The following LRMDA variants were observed in gnomAD, a reference collection of about 807,000 sequenced individuals.
LRMDA encodes leucine rich melanocyte differentiation associated.
In LRMDA, 18 loss-of-function variants were observed where a neutral mutation model predicts 29.8. The ratio of observed to expected loss-of-function variants is 0.60; its 90% CI spans 0.42 to 0.90. The LOEUF is 0.90. LRMDA is among the 40% of genes least tolerant of loss of function. The probability of loss-of-function intolerance (pLI) is 0.00; values close to 1 mark genes in which losing one functional copy is unlikely to be tolerated. For synonymous variants in LRMDA, 125 were observed against 109.4 expected, an observed-to-expected ratio of 1.14 and a Z score of -0.89; for missense variants, 273 against 273.9, an observed-to-expected ratio of 1.00 and a Z score of 0.02.
chr10:75,708,208 A>T (rs1002798972), intron 2 of LRMDA, among the ~76,000 whole-genome samples: 1 of 152,208 alleles, frequency 6.6e-6, no homozygotes, highest in Non-Finnish European at 1.5e-5. Context: ...GTCTGCTGCC[A>T]CTAGCAGGGC....
At chr10:76,296,810 G>A (rs867865635) in intron 5 of LRMDA, among the ~76,000 whole-genome samples, 1 of 152,184 alleles carries the variant, frequency 6.6e-6, no homozygotes, top group Non-Finnish European at 1.5e-5. Flanking sequence ...AGTTTTTCTT[G>A]TTTGTTAATT....
At chr10:76,249,271 G>C (rs756301712) in intron 5 of LRMDA, among the ~76,000 whole-genome samples, 3 of 152,120 alleles carry the variant, frequency 2.0e-5, no homozygotes, top group Non-Finnish European at 4.4e-5. Context: ...ACTCCTAGCG[G>C]GTGGCTAGAT....
chr10:75,663,957 C>T lies in LRMDA; in HGVS notation c.131+225463C>T, dbSNP rs960664462. ...AATATACTCAGGGGCCCATGTGTGT[C>T]TTTAAGAGGAGAGTAGGGTATACAG... On this transcript the variant is annotated intron_variant, in intron 2 of 6. Coordinates refer to ENST00000611255, the MANE Select transcript of LRMDA (RefSeq NM_001305581.2). Among the ~76,000 whole-genome samples, 52 of 152,164 alleles carry T rather than the reference C, an allele frequency of 3.4e-4. 1 individual carries two copies. Among genetic ancestry groups the T allele is most frequent in the African/African-American group, 1.2e-3 (48 of 41,448 alleles).
intron 4 of LRMDA, among the ~76,000 whole-genome samples, chr10:76,051,316 A>G (rs1460574586): frequency 6.6e-6 from 1 of 152,158 alleles, no homozygotes; most frequent in Non-Finnish European, 1.5e-5. Context: ...ATTGCCGGTT[A>G]CTCTCTGTAG....
chr10:75,489,016 C>A (rs189664540), intron 2 of LRMDA, among the ~76,000 whole-genome samples: 2 of 152,202 alleles, frequency 1.3e-5, no homozygotes, highest in Non-Finnish European at 2.9e-5. Context: ...CCCTCTATGA[C>A]CTTGTGCACC....
intron 2 of LRMDA, among the ~76,000 whole-genome samples, chr10:75,760,697 A>AG (rs1843084798): frequency 1.3e-5 from 2 of 152,198 alleles, no homozygotes; most frequent in Admixed American, 1.3e-4. Context: ...CAGGGTGGAT[A>AG]GGGAAGGATG....
chr10:75,833,404 C>T (rs188768619), intron 2 of LRMDA, among the ~76,000 whole-genome samples: 1 of 152,130 alleles, frequency 6.6e-6, no homozygotes, highest in Non-Finnish European at 1.5e-5. Context: ...TGTGATCTCT[C>T]CATAAGTAAG....
chr10:75,886,141 G>A (rs1160147761), intron 2 of LRMDA, among the ~76,000 whole-genome samples: 1 of 152,186 alleles, frequency 6.6e-6, no homozygotes, highest in African/African-American at 2.4e-5. Context: ...ACAACCAGCA[G>A]CCCCATCTTC....
intron 2 of LRMDA, among the ~76,000 whole-genome samples, chr10:75,914,187 C>G (rs1845892508): frequency 6.6e-6 from 1 of 152,204 alleles, no homozygotes; most frequent in Admixed American, 6.5e-5. Flanking sequence ...GCAACGCATA[C>G]TTGTAAAAGG....
intron 2 of LRMDA, among the ~76,000 whole-genome samples, chr10:75,495,318 G>T (rs1396145394): frequency 6.6e-6 from 1 of 151,310 alleles, no homozygotes; most frequent in Non-Finnish European, 1.5e-5. Context: ...ATATTTCTCA[G>T]ACAGGCCTTT....
intron 2 of LRMDA, among the ~76,000 whole-genome samples, chr10:75,875,553 C>A (rs1209508357): frequency 6.6e-6 from 1 of 152,154 alleles, no homozygotes; most frequent in East Asian, 1.9e-4. Flanking sequence ...CCTGCCTCAG[C>A]CTCCAAGTAG....
At chr10:76,380,134 CT>C (rs1156412804) in intron 6 of LRMDA, among the ~76,000 whole-genome samples, 2 of 152,002 alleles carry the variant, frequency 1.3e-5, no homozygotes, top group African/African-American at 4.8e-5. Context: ...CCTAAAATGT[CT>C]ATTTTGGAGA....
At chr10:75,890,272 G>A (rs1845462066) in intron 2 of LRMDA, among the ~76,000 whole-genome samples, 1 of 152,200 alleles carries the variant, frequency 6.6e-6, no homozygotes, top group African/African-American at 2.4e-5. Context: ...AAAGATTTAA[G>A]CCTGAAATGG....
At chr10:75,470,529 G>C (rs1844713378) in intron 2 of LRMDA, among the ~76,000 whole-genome samples, 1 of 152,204 alleles carries the variant, frequency 6.6e-6, no homozygotes, top group Non-Finnish European at 1.5e-5. Flanking sequence ...CCGAAGGACG[G>C]AAATGCGTTT....
At chr10:75,950,809 A>G (rs1554836166) in intron 2 of LRMDA, among the ~76,000 whole-genome samples, 1 of 152,210 alleles carries the variant, frequency 6.6e-6, no homozygotes, top group African/African-American at 2.4e-5. Flanking sequence ...GAGTGAATGA[A>G]TGAAGCTAGA....
chr10:76,058,848 G>C (rs1286777955), intron 5 of LRMDA, 65 bp downstream of exon 5: 1 of 1,238,630 alleles, frequency 8.1e-7, no homozygotes, highest in Non-Finnish European at 1.2e-6. Flanking sequence ...TACACCCCAG[G>C]GCATGCAGAA....
chr10:75,869,561 A>C (rs1464272796), intron 2 of LRMDA, among the ~76,000 whole-genome samples: 9 of 152,194 alleles, frequency 5.9e-5, no homozygotes, highest in African/African-American at 2.2e-4. Flanking sequence ...TGCATTATGT[A>C]AATATGTATA....
At chr10:75,612,162 T>A (rs1841040406) in intron 2 of LRMDA, among the ~76,000 whole-genome samples, 1 of 152,176 alleles carries the variant, frequency 6.6e-6, no homozygotes, top group East Asian at 1.9e-4. Context: ...GGTTAAAAAT[T>A]AAGAGGAGAA....
intron 2 of LRMDA, among the ~76,000 whole-genome samples, chr10:75,545,072 T>G (rs1169389194): frequency 1.3e-5 from 2 of 152,196 alleles, no homozygotes; most frequent in Admixed American, 1.3e-4. Flanking sequence ...TCTCCCCCAC[T>G]CTTTGGAGAC....
Sources: allele counts gnomAD v4.1 joint callset (sites outside exome capture counted in the v4.1 genomes callset), GRCh38; gene constraint gnomAD v4.1.1; transcripts MANE v1.5; gene names NCBI Gene and HGNC (gene_info 2026-07-23, HGNC 2026-07-21).